The following ATP2B2 variants were observed in gnomAD, a reference collection of about 807,000 sequenced individuals.
ATP2B2 encodes plasma membrane calcium-transporting ATPase 2.
In ATP2B2, 15 loss-of-function variants were observed where a neutral mutation model predicts 120.0. The ratio of observed to expected loss-of-function variants is 0.12; its 90% CI spans 0.08 to 0.19. The LOEUF is 0.19. ATP2B2 is among the 10% of genes least tolerant of loss of function. ATP2B2 has a pLI of 1.00. For missense variants in ATP2B2, 1,045 were observed against 1,719.8 expected, an observed-to-expected ratio of 0.61 and a Z score of 6.94; for synonymous variants, 694 against 700.3, an observed-to-expected ratio of 0.99 and a Z score of 0.14.
upstream of ATP2B2, among the ~76,000 whole-genome samples, chr3:10,507,810 T>C (rs1351488148): frequency 1.3e-5 from 2 of 152,162 alleles, no homozygotes; most frequent in Non-Finnish European, 2.9e-5. Context: ...AAGGTACAGA[T>C]GGGGAAGCTC....
At position 10,577,051 on chromosome 3, in the gene ATP2B2, CAAAAAAAAAAA is replaced by C. The variant is rs71055823; in HGVS notation, c.-415+42855_-415+42865del. ...TGGGTGACAGAGTGAGACTCTGTGT[CAAAAAAAAAAA>C]AAAAAAAAAAAGAAGCTGCCTGGGT... On this transcript the variant is annotated intron_variant, in intron 2 of 21. Coordinates refer to the ATP2B2 transcript ENST00000646379. 2.9e-4 allele frequency among the ~76,000 whole-genome samples: 32 copies of C among 109,368 alleles called. 1 individual carries two copies. The highest frequency in any genetic ancestry group is 1.1e-3 in the African/African-American group (31 of 28,102). The allele number at this position is 109,368 out of a possible 152,430, so 71.7% of individuals were successfully genotyped here.
At chr3:10,629,457 T>C (rs1161264112) in intron 1 of ATP2B2, among the ~76,000 whole-genome samples, 1 of 152,240 alleles carries the variant, frequency 6.6e-6, no homozygotes, top group Non-Finnish European at 1.5e-5. Context: ...CATTCATTTG[T>C]TGATAGGGCA....
chr3:10,516,866 G>A (rs2066886115), intron 3 of ATP2B2, among the ~76,000 whole-genome samples: 1 of 152,228 alleles, frequency 6.6e-6, no homozygotes, highest in East Asian at 1.9e-4. Flanking sequence ...GTGAGCTGAA[G>A]TGACAGCTTA....
intron 5 of ATP2B2, chr3:10,394,671 TG>T: frequency 5.0e-6 from 2 of 402,110 alleles, no homozygotes; most frequent in Non-Finnish European, 5.3e-6. Context: ...TTCTGCTTGG[TG>T]GGGTGGGCAG....
At chr3:10,549,134 T>G (rs1385642864) in intron 2 of ATP2B2, among the ~76,000 whole-genome samples, 1 of 152,218 alleles carries the variant, frequency 6.6e-6, no homozygotes, top group Non-Finnish European at 1.5e-5. Flanking sequence ...GTGACTCAAC[T>G]TCTCCTATGA....
chr3:10,677,768 CATG>C (rs1461330097), intron 1 of ATP2B2, among the ~76,000 whole-genome samples: 2 of 152,122 alleles, frequency 1.3e-5, no homozygotes, highest in South Asian at 4.1e-4. Flanking sequence ...TAATATGTGA[CATG>C]AAGAAACATT....
intron 11 of ATP2B2, among the ~76,000 whole-genome samples, chr3:10,373,424 T>G (rs6442165): frequency 0.61 from 93,170 of 152,090 alleles, 29,357 homozygotes; most frequent in East Asian, 0.99. Flanking sequence ...CTTTAAGTCC[T>G]TACTATCCAA....
chr3:10,519,902 G>A (rs918566670), intron 3 of ATP2B2, among the ~76,000 whole-genome samples: 1 of 152,198 alleles, frequency 6.6e-6, no homozygotes, highest in African/African-American at 2.4e-5. Context: ...CAAGTGGCAG[G>A]ACTGGGATCG....
chr3:10,400,351 G>A (rs1355279263), intron 5 of ATP2B2, among the ~76,000 whole-genome samples: 3 of 152,202 alleles, frequency 2.0e-5, no homozygotes, highest in Non-Finnish European at 4.4e-5. Flanking sequence ...CTGCTTCTGG[G>A]CTTTTGCCCC....
At chr3:10,448,886 G>C (rs940831730) in intron 2 of ATP2B2, among the ~76,000 whole-genome samples, 1 of 152,190 alleles carries the variant, frequency 6.6e-6, no homozygotes, top group Non-Finnish European at 1.5e-5. Context: ...AGGAAGGACC[G>C]GGCCTGCATG....
intron 1 of ATP2B2, among the ~76,000 whole-genome samples, chr3:10,636,211 C>A (rs1267594458): frequency 6.6e-6 from 1 of 152,192 alleles, no homozygotes; most frequent in African/African-American, 2.4e-5. Context: ...TAATGACATG[C>A]CGCTTCACTC....
chr3:10,499,495 C>T (rs564411979), intron 1 of ATP2B2, among the ~76,000 whole-genome samples: 2 of 152,324 alleles, frequency 1.3e-5, no homozygotes, highest in South Asian at 4.1e-4. Flanking sequence ...AAAGTGCTTG[C>T]GGACACATTT....
At chr3:10,380,118 C>G (rs1199089341) in intron 8 of ATP2B2, among the ~76,000 whole-genome samples, 1 of 152,194 alleles carries the variant, frequency 6.6e-6, no homozygotes, top group Non-Finnish European at 1.5e-5. Context: ...CGTGGGCATC[C>G]CCTTCCATAC....
intron 1 of ATP2B2, among the ~76,000 whole-genome samples, chr3:10,465,779 A>G (rs2064710414): frequency 6.6e-6 from 1 of 152,136 alleles, no homozygotes; most frequent in South Asian, 2.1e-4. Flanking sequence ...TTCTTTCTCC[A>G]GGTTTGGGCC....
At chr3:10,553,520 A>G (rs2067712667) in intron 2 of ATP2B2, among the ~76,000 whole-genome samples, 1 of 152,206 alleles carries the variant, frequency 6.6e-6, no homozygotes, top group Admixed American at 6.5e-5. Context: ...AATAGTCTTG[A>G]TAAAATGGAA....
chr3:10,562,209 C>T (rs1303943886), intron 2 of ATP2B2, among the ~76,000 whole-genome samples: 2 of 152,132 alleles, frequency 1.3e-5, no homozygotes, highest in African/African-American at 2.4e-5. Flanking sequence ...ATCAGATGAG[C>T]TGCACCTTCA....
intron 1 of ATP2B2, among the ~76,000 whole-genome samples, chr3:10,637,397 CA>C (rs1344074596): frequency 6.6e-6 from 1 of 152,178 alleles, no homozygotes; most frequent in Non-Finnish European, 1.5e-5. Flanking sequence ...GGCATTGTAA[CA>C]GTTATTATAA....
chr3:10,352,127 A>C (rs967927283), intron 14 of ATP2B2, among the ~76,000 whole-genome samples: 1 of 152,128 alleles, frequency 6.6e-6, no homozygotes, highest in East Asian at 1.9e-4. Context: ...GGCCTTGACT[A>C]TCTCGCCTGT....
chr3:10,388,453 C>G, intron 5 of ATP2B2, 51 bp from the exon 6 acceptor site: 1 of 1,613,472 alleles, frequency 6.2e-7, no homozygotes, highest in Non-Finnish European at 8.5e-7. Context: ...GAAGCCGTCT[C>G]CCCAAAGGAG....
Sources: allele counts gnomAD v4.1 joint callset (sites outside exome capture counted in the v4.1 genomes callset), GRCh38; gene constraint gnomAD v4.1.1; transcripts MANE v1.5; gene names NCBI Gene and HGNC (gene_info 2026-07-23, HGNC 2026-07-21).